The following SLC12A6 variants were observed in gnomAD, a reference collection of about 807,000 sequenced individuals.
SLC12A6 encodes solute carrier family 12 member 6.
SLC12A6 carries 66 observed loss-of-function variants against 135.3 expected under a neutral mutation model. That is an observed-to-expected ratio of 0.49 (90% confidence interval 0.40 to 0.60). The LOEUF is 0.60. SLC12A6 is among the 20% of genes least tolerant of loss of function. SLC12A6 has a pLI of 0.00. For synonymous variants in SLC12A6, 513 were observed against 508.8 expected, an observed-to-expected ratio of 1.01 and a Z score of -0.11; for missense variants, 1,058 against 1,452.3, an observed-to-expected ratio of 0.73 and a Z score of 4.41.
intron 2 of SLC12A6, among the ~76,000 whole-genome samples, chr15:34,327,657 C>CA (rs80177584): frequency 0.012 from 1,534 of 130,912 alleles, 24 homozygotes; most frequent in African/African-American, 0.036. Context: ...GACTCTGTCT[C>CA]AAAAAAAAAA....
chr15:34,256,965 G>A (rs1892794017), intron 6 of SLC12A6, among the ~76,000 whole-genome samples: 1 of 152,084 alleles, frequency 6.6e-6, no homozygotes, highest in African/African-American at 2.4e-5. Flanking sequence ...AAAAAAAGGT[G>A]GTACCATGAA....
chr15:34,317,249 C>T (rs774203860), intron 2 of SLC12A6, among the ~76,000 whole-genome samples: 1 of 152,078 alleles, frequency 6.6e-6, no homozygotes, highest in Non-Finnish European at 1.5e-5. Flanking sequence ...AAGGAAAAAA[C>T]AAAAGGAACA....
intron 15 of SLC12A6, among the ~76,000 whole-genome samples, chr15:34,245,059 T>C (rs1270799989): frequency 6.6e-6 from 1 of 152,100 alleles, no homozygotes; most frequent in Non-Finnish European, 1.5e-5. Flanking sequence ...GACAATGAAT[T>C]AGAAATGAAG....
In SLC12A6 at chr15:34,336,695, G is replaced by C. The variant is rs906320776; in HGVS notation, c.-15C>G. 7.9e-5 allele frequency: 127 copies of C among 1,613,156 alleles called. No individual in the cohort carries two copies. In the Admixed American group the frequency reaches 2.0e-3, roughly 25 times the overall value. On this transcript the variant is annotated 5_prime_UTR_variant, in exon 2 of 26. Transcript: ENST00000354181. ...GGAGGATGCATTTTGTTCTTTTTAAGAACAAAAAAAGTGGGGGGAACCTCG... is the reference window on the plus strand; with the variant it reads ...GGAGGATGCATTTTGTTCTTTTTAACAACAAAAAAAGTGGGGGGAACCTCG...
chr15:34,266,231 G>GA (rs1893509879), intron 3 of SLC12A6, among the ~76,000 whole-genome samples: 2 of 151,916 alleles, frequency 1.3e-5, no homozygotes, highest in African/African-American at 2.4e-5. Flanking sequence ...AAACATTAAG[G>GA]AAAGAGATAT....
At chr15:34,239,552 G>A (rs889677319) in intron 19 of SLC12A6, among the ~76,000 whole-genome samples, 4 of 152,164 alleles carry the variant, frequency 2.6e-5, no homozygotes, top group African/African-American at 9.7e-5. Context: ...GTCATGCCCT[G>A]ACTCATCTTA....
chr15:34,233,884 T>C lies in SLC12A6; in HGVS notation c.3450A>G (p.Ser1150=). 1 of 1,558,814 alleles carries C rather than the reference T, an allele frequency of 6.4e-7. No homozygotes were observed. The highest frequency in any genetic ancestry group is 8.9e-7 in the Non-Finnish European group (1 of 1,129,506). Residue 1150 remains serine (S), a synonymous_variant, in exon 26 of 26, where the codon TCA becomes TCG. Coordinates refer to ENST00000354181, the MANE Select transcript of SLC12A6 (RefSeq NM_001365088.1). ...AAGCACGGTCATTCAGAGTAGGTTA[T>C]GAATAAATGGTGATCACTTCACTGC... ...GGGSEVITIY[S]
chr15:34,283,699 A>G (rs951301648), intron 2 of SLC12A6, among the ~76,000 whole-genome samples: 2 of 152,108 alleles, frequency 1.3e-5, no homozygotes, highest in African/African-American at 4.8e-5. Context: ...GTAGCACACT[A>G]TAATAAGGAG....
chr15:34,318,854 G>T, intron 2 of SLC12A6: 1 of 1,463,618 alleles, frequency 6.8e-7, no homozygotes, highest in East Asian at 2.6e-5. Flanking sequence ...GAGGGAGTGG[G>T]GCGCTTGAAG....
chr15:34,296,997 C>T (rs1044781324), intron 2 of SLC12A6, among the ~76,000 whole-genome samples: 11 of 152,168 alleles, frequency 7.2e-5, no homozygotes, highest in African/African-American at 2.4e-4. Flanking sequence ...TTATTAAGTT[C>T]ATTTTCTACT....
intron 2 of SLC12A6, among the ~76,000 whole-genome samples, chr15:34,276,369 T>C (rs777437617): frequency 6.6e-6 from 1 of 152,210 alleles, no homozygotes; most frequent in Non-Finnish European, 1.5e-5. Context: ...ACTGACTACA[T>C]TGGCTTTCAT....
intron 19 of SLC12A6, among the ~76,000 whole-genome samples, chr15:34,239,554 C>A (rs1194014464): frequency 6.6e-6 from 1 of 152,200 alleles, no homozygotes; most frequent in African/African-American, 2.4e-5. Flanking sequence ...CATGCCCTGA[C>A]TCATCTTACC....
intron 2 of SLC12A6, among the ~76,000 whole-genome samples, chr15:34,323,184 G>A (rs886162193): frequency 1.3e-5 from 2 of 151,978 alleles, no homozygotes; most frequent in African/African-American, 2.4e-5. Context: ...TCAATAATAT[G>A]AAGACAAATA....
chr15:34,264,834 G>T (rs1007442152), intron 3 of SLC12A6, among the ~76,000 whole-genome samples: 3 of 152,108 alleles, frequency 2.0e-5, no homozygotes, highest in Non-Finnish European at 4.4e-5. Context: ...GATATTTTCA[G>T]TAACAAAAAG....
intron 2 of SLC12A6, among the ~76,000 whole-genome samples, chr15:34,324,086 G>A (rs974283644): frequency 2.6e-5 from 4 of 151,952 alleles, no homozygotes; most frequent in East Asian, 1.9e-4. Context: ...CTTGTTCTCT[G>A]TATTTTTACC....
chr15:34,307,806 G>T (rs1887838320), intron 2 of SLC12A6, among the ~76,000 whole-genome samples: 1 of 152,222 alleles, frequency 6.6e-6, no homozygotes, highest in Admixed American at 6.5e-5. Context: ...AGGCAATGAA[G>T]TAAGGGGAAG....
intron 2 of SLC12A6, among the ~76,000 whole-genome samples, chr15:34,293,386 C>A (rs1566846145): frequency 1.3e-5 from 2 of 151,952 alleles, no homozygotes; most frequent in South Asian, 2.1e-4. Flanking sequence ...ATCTCTGCAA[C>A]CTCCACCTCC....
intron 2 of SLC12A6, among the ~76,000 whole-genome samples, chr15:34,293,122 A>G (rs1895654299): frequency 6.6e-6 from 1 of 152,134 alleles, no homozygotes; most frequent in African/African-American, 2.4e-5. Flanking sequence ...TGTAGACCAG[A>G]GCTGTTCCTA....
At chr15:34,240,557 C>T (rs555217953) in intron 19 of SLC12A6, 104 bp downstream of exon 19, 1 of 1,028,576 alleles carries the variant, frequency 9.7e-7, no homozygotes, top group East Asian at 2.4e-5. Context: ...GAGAAACCTC[C>T]TAGATCACTC....
Sources: allele counts gnomAD v4.1 joint callset (sites outside exome capture counted in the v4.1 genomes callset), GRCh38; gene constraint gnomAD v4.1.1; transcripts MANE v1.5; gene names NCBI Gene and HGNC (gene_info 2026-07-23, HGNC 2026-07-21).